ZNF66: variants seen among roughly 807,000 people sequenced by gnomAD.
The protein encoded by ZNF66 is putative zinc finger protein 66.
A neutral mutation model predicts 35.2 loss-of-function variants in ZNF66; 32 were observed. The observed-to-expected ratio is 0.91, with a 90% CI of 0.69 to 1.22. The LOEUF is 1.22. Ranked by LOEUF, ZNF66 falls within the 50% of genes most tolerant of loss-of-function variation. The probability of loss-of-function intolerance (pLI) is 0.00; values close to 1 mark genes in which losing one functional copy is unlikely to be tolerated. For synonymous variants in ZNF66, 231 were observed against 181.3 expected (o/e 1.27, Z -2.20); for missense variants, 666 against 543.1 (o/e 1.23, Z -2.25).
chr19:20,778,759 G>A lies in ZNF66; in HGVS notation c.3+2309G>A, dbSNP rs188378613. On this transcript the variant is annotated intron_variant, in intron 1 of 3. Coordinates refer to ENST00000344519, the MANE Select transcript of ZNF66 (RefSeq NM_001355197.2). Reference sequence around the variant, plus strand: ...GATCATGCCACTGAACTCCAGCCTGGGCCACAGAGTGAGACTTCGTCTCAA... The same window carrying A: ...GATCATGCCACTGAACTCCAGCCTGAGCCACAGAGTGAGACTTCGTCTCAA... Among the ~76,000 whole-genome samples the A allele has an allele frequency of 5.5e-3, 824 of 150,986 alleles. 4 individuals carry two copies. Among genetic ancestry groups the A allele is most frequent in the African/African-American group, 0.019 (764 of 41,106 alleles).
chr19:20,806,319 GCTC>G lies in ZNF66; in HGVS notation c.723_725del (p.Ser242del), dbSNP rs1472900286. The G allele has an allele frequency of 6.6e-7, 1 of 1,518,538 alleles. No homozygotes were observed. The highest frequency in any genetic ancestry group is 2.3e-5 in the East Asian group (1 of 44,260). The allele number at this position is 1,518,538 out of a possible 1,614,324, so 94.1% of individuals were successfully genotyped here. ...GAAGACTGTGGCAAAGCCTTTAACCGCTCCTCTAACCTTACTACACATAAGAAA... is the reference window on the plus strand; with the variant it reads ...GAAGACTGTGGCAAAGCCTTTAACCGCTCTAACCTTACTACACATAAGAAA... On this transcript the variant is annotated inframe_deletion, in exon 4 of 4. Coordinates refer to ENST00000344519, the MANE Select transcript of ZNF66 (RefSeq NM_001355197.2).
intron 3 of ZNF66, among the ~76,000 whole-genome samples, chr19:20,801,995 A>C (rs1397949415): frequency 6.6e-6 from 1 of 151,720 alleles, no homozygotes; most frequent in African/African-American, 2.4e-5. Flanking sequence ...AGAAATTTGC[A>C]TTGCTTTTAC....
intron 1 of ZNF66, among the ~76,000 whole-genome samples, chr19:20,782,225 A>G (rs1971251604): frequency 6.6e-6 from 1 of 152,220 alleles, no homozygotes; most frequent in Non-Finnish European, 1.5e-5. Flanking sequence ...AATTACAGGC[A>G]TGGGCCACCG....
chr19:20,783,436 C>T (rs530618530), intron 1 of ZNF66, among the ~76,000 whole-genome samples: 2 of 152,116 alleles, frequency 1.3e-5, no homozygotes, highest in East Asian at 1.9e-4. Context: ...GCTAAATAAA[C>T]CTTTTTCATT....
chr19:20,796,769 T>C (rs982249700), intron 3 of ZNF66, among the ~76,000 whole-genome samples: 1 of 152,260 alleles, frequency 6.6e-6, no homozygotes, highest in Non-Finnish European at 1.5e-5. Flanking sequence ...GAAATTTTAC[T>C]GCCACACAGG....
intron 2 of ZNF66, among the ~76,000 whole-genome samples, chr19:20,793,111 T>G (rs1971354489): frequency 6.6e-6 from 1 of 151,382 alleles, no homozygotes; most frequent in Non-Finnish European, 1.5e-5. Flanking sequence ...CTTCAAGATA[T>G]TTCATCTTAA....
At chr19:20,802,631 A>G (rs905578842) in intron 3 of ZNF66, among the ~76,000 whole-genome samples, 2 of 152,196 alleles carry the variant, frequency 1.3e-5, no homozygotes, top group African/African-American at 4.8e-5. Context: ...AGAATGCTGT[A>G]TGAGCTATTG....
At chr19:20,798,138 A>G (rs1971412822) in intron 3 of ZNF66, among the ~76,000 whole-genome samples, 1 of 151,978 alleles carries the variant, frequency 6.6e-6, no homozygotes, top group Non-Finnish European at 1.5e-5. Context: ...GTCTTATTTT[A>G]CCATGTGTTT....
At position 20,807,121 on chromosome 19, in the gene ZNF66, A is replaced by G. The variant is rs1383727085; in HGVS notation, c.1521A>G (p.Lys507=). The change falls in exon 4 of 4, where the codon AAA becomes AAG. Residue 507 remains lysine, a synonymous_variant. Transcript: ENST00000344519. The stretch of plus-strand genomic sequence containing the variant: ...ATAAGAGAATTCATACTGCAGATAA[A>G]CCCTACAAATGTGAAGAATGTGGCA... ...TTHKRIHTAD[K]PYKCEECGKD... 1.3e-6 allele frequency: 1 copy of G among 796,610 alleles called. No homozygotes were observed. Among genetic ancestry groups the G allele is most frequent in the African/African-American group, 1.7e-5 (1 of 59,256 alleles). 49.3% of individuals were successfully genotyped at this position (796,610 alleles called of 1,614,324 possible).
At position 20,808,146 on chromosome 19, in the gene ZNF66, C is replaced by T. The variant is rs185671565; in HGVS notation, c.*824C>T. 1.9e-4 allele frequency among the ~76,000 whole-genome samples: 29 copies of T among 152,282 alleles called. No homozygotes were observed. The highest frequency in any genetic ancestry group is 2.9e-4 in the African/African-American group (12 of 41,564). ...CTGAGATCAAACTGCAAGGCAGCAGCGAGGCTGGGGGAGGAGCGCCTGCCA... is the reference window on the plus strand; with the variant it reads ...CTGAGATCAAACTGCAAGGCAGCAGTGAGGCTGGGGGAGGAGCGCCTGCCA... On this transcript the variant is annotated 3_prime_UTR_variant, in exon 4 of 4. Coordinates refer to ENST00000344519, the MANE Select transcript of ZNF66 (RefSeq NM_001355197.2).
At chr19:20,796,577 T>C (rs184969549) in intron 3 of ZNF66, among the ~76,000 whole-genome samples, 171 of 152,302 alleles carry the variant, frequency 1.1e-3, no homozygotes, top group African/African-American at 3.7e-3. Context: ...TTCTGCAAAT[T>C]GTATAATTTT....
At chr19:20,799,219 G>C (rs1482251514) in intron 3 of ZNF66, 1 of 151,588 alleles carries the variant, frequency 6.6e-6, no homozygotes, top group Non-Finnish European at 1.5e-5. Flanking sequence ...ACGTCACATC[G>C]CCAAGGTAAT....
At chr19:20,803,297 TTTTCTC>T in intron 3 of ZNF66, among the ~76,000 whole-genome samples, 1 of 144,526 alleles carries the variant, frequency 6.9e-6, no homozygotes, top group East Asian at 2.1e-4. Flanking sequence ...TTGTCTCTCA[TTTTCTC>T]TTTCTGTCTT....
chr19:20,791,456 G>A (rs1262339929), intron 1 of ZNF66, among the ~76,000 whole-genome samples: 3 of 144,466 alleles, frequency 2.1e-5, no homozygotes, highest in Non-Finnish European at 3.0e-5. Context: ...TTGCACTCCA[G>A]CCTGGGGGAC....
Position 20,807,001 on chromosome 19 carries a change from C to CT in ZNF66, c.1401_1402insT (p.Leu468SerfsTer3). ...GCAAAGCCTTTAACCGCTCCTCTAA[C>CT]CTTACTAAACACAAGAAAATTCATA... On this transcript the variant is annotated frameshift_variant, in exon 4 of 4. Transcript: ENST00000344519. LOFTEE classifies it high-confidence loss of function. 1 of 952,344 alleles carries CT rather than the reference C, an allele frequency of 1.1e-6. No homozygotes were observed. Among genetic ancestry groups the CT allele is most frequent in the Non-Finnish European group, 1.7e-6 (1 of 580,932 alleles). The allele number at this position is 952,344 out of a possible 1,614,324, so 59.0% of individuals were successfully genotyped here. A position where few individuals can be genotyped will look rare whatever the true frequency, so the allele number is the denominator to read the frequency against.
chr19:20,791,554 A>C (rs1308847706), intron 1 of ZNF66, among the ~76,000 whole-genome samples: 4 of 105,060 alleles, frequency 3.8e-5, no homozygotes, highest in African/African-American at 1.8e-4. Flanking sequence ...AGAAATTCTG[A>C]AAAAAATTAT....
At chr19:20,785,602 T>C (rs10420292) in intron 1 of ZNF66, among the ~76,000 whole-genome samples, 1 of 151,940 alleles carries the variant, frequency 6.6e-6, no homozygotes, top group African/African-American at 2.4e-5. Flanking sequence ...CATCTTTGTA[T>C]TCTGTTAAAC....
At chr19:20,786,362 A>G (rs910648451) in intron 1 of ZNF66, among the ~76,000 whole-genome samples, 3 of 152,182 alleles carry the variant, frequency 2.0e-5, no homozygotes, top group Non-Finnish European at 4.4e-5. Flanking sequence ...TGACTCTTGT[A>G]TCTTCAGACT....
chr19:20,804,060 T>C (rs1243876642), intron 3 of ZNF66, among the ~76,000 whole-genome samples: 3 of 152,040 alleles, frequency 2.0e-5, no homozygotes, highest in African/African-American at 7.2e-5. Context: ...GTGTTTGTTA[T>C]AAATATCTTG....
Sources: allele counts gnomAD v4.1 joint callset (sites outside exome capture counted in the v4.1 genomes callset), GRCh38; gene constraint gnomAD v4.1.1; transcripts MANE v1.5; gene names NCBI Gene and HGNC (gene_info 2026-07-23, HGNC 2026-07-21).